Variants in NRXN3 observed in about 807,000 individuals in gnomAD.
NRXN3 encodes neurexin III.
A neutral mutation model predicts 137.6 loss-of-function variants in NRXN3; 32 were observed. The observed-to-expected ratio is 0.23, with a 90% CI of 0.18 to 0.31. NRXN3 has a LOEUF of 0.31. Ranked by LOEUF, NRXN3 falls within the 10% of genes least tolerant of loss-of-function variation. The pLI is 1.00. For missense variants in NRXN3, 1,574 were observed against 2,062.5 expected (o/e 0.76, Z 4.59); for synonymous variants, 798 against 784.5 (o/e 1.02, Z -0.29).
chr14:79,164,086 C>G (rs1053219645), intron 15 of NRXN3, among the ~76,000 whole-genome samples: 2 of 151,912 alleles, frequency 1.3e-5, no homozygotes, highest in African/African-American at 4.8e-5. Flanking sequence ...TTCTCATCTT[C>G]TCCTTAATAA....
intron 4 of NRXN3, among the ~76,000 whole-genome samples, chr14:78,609,794 G>A (rs2097284301): frequency 6.6e-6 from 1 of 152,144 alleles, no homozygotes; most frequent in Admixed American, 6.5e-5. Context: ...GCTTGTAGTG[G>A]AAAAGGCACT....
chr14:79,543,872 A>G (rs77081979), intron 16 of NRXN3, among the ~76,000 whole-genome samples: 7,637 of 152,240 alleles, frequency 0.05, 193 homozygotes, highest in Middle Eastern at 0.11. Flanking sequence ...TCTGGTGTGT[A>G]TGTTAAATCC....
chr14:79,527,369 A>G (rs968242088), intron 16 of NRXN3, among the ~76,000 whole-genome samples: 2 of 150,326 alleles, frequency 1.3e-5, no homozygotes, highest in African/African-American at 2.4e-5. Flanking sequence ...GATGGTGGTT[A>G]GAAGAGGCTT....
chr14:78,276,061 TC>T (rs1294576080), intron 2 of NRXN3, among the ~76,000 whole-genome samples: 1 of 152,180 alleles, frequency 6.6e-6, no homozygotes, highest in African/African-American at 2.4e-5. Flanking sequence ...CAGACCTGCC[TC>T]CAGGTCAGTG....
chr14:78,568,290 C>G (rs1002331522), intron 4 of NRXN3, among the ~76,000 whole-genome samples: 2 of 152,152 alleles, frequency 1.3e-5, no homozygotes, highest in African/African-American at 4.8e-5. Context: ...CCCAAGGGAG[C>G]TTGTTCACCC....
intron 4 of NRXN3, among the ~76,000 whole-genome samples, chr14:78,582,608 T>C (rs79756713): frequency 0.078 from 11,867 of 152,226 alleles, 847 homozygotes; most frequent in African/African-American, 0.18. Flanking sequence ...AGTCTCACCC[T>C]CACTTGCCCT....
intron 15 of NRXN3, among the ~76,000 whole-genome samples, chr14:79,026,400 TA>T (rs914361285): frequency 3.6e-4 from 55 of 152,126 alleles, no homozygotes; most frequent in African/African-American, 1.2e-3. Context: ...CTGTGATGAT[TA>T]AAAGAGGCGA....
intron 15 of NRXN3, among the ~76,000 whole-genome samples, chr14:79,066,165 A>G (rs2099680493): frequency 6.6e-6 from 1 of 152,140 alleles, no homozygotes; most frequent in African/African-American, 2.4e-5. Context: ...TAATTTTTGT[A>G]TGTGGTGTAA....
chr14:79,110,798 T>TCTA (rs1555758165), intron 15 of NRXN3, among the ~76,000 whole-genome samples: 1 of 135,646 alleles, frequency 7.4e-6, no homozygotes, highest in Admixed American at 7.4e-5. Context: ...TTATTTATTT[T>TCTA]TTTATTTTTT....
At chr14:79,574,163 A>C (rs1273399234) in intron 16 of NRXN3, among the ~76,000 whole-genome samples, 1 of 152,018 alleles carries the variant, frequency 6.6e-6, no homozygotes, top group African/African-American at 2.4e-5. Flanking sequence ...TTCTATCAAC[A>C]ATGTTATATT....
intron 15 of NRXN3, among the ~76,000 whole-genome samples, chr14:79,106,906 A>T (rs1336701217): frequency 6.6e-6 from 1 of 152,180 alleles, no homozygotes; most frequent in East Asian, 1.9e-4. Context: ...CCAAATAAAA[A>T]CAAGCCTTGG....
chr14:79,028,177 G>A (rs1425142771), intron 15 of NRXN3, among the ~76,000 whole-genome samples: 1 of 152,076 alleles, frequency 6.6e-6, no homozygotes, highest in African/African-American at 2.4e-5. Flanking sequence ...CCAGAACATT[G>A]ATACCCAACT....
chr14:78,326,334 G>A (rs1228389415), intron 4 of NRXN3, among the ~76,000 whole-genome samples: 1 of 152,204 alleles, frequency 6.6e-6, no homozygotes, highest in Non-Finnish European at 1.5e-5. Context: ...GTGCTGAGAG[G>A]AGAGTCATGA....
At chr14:79,538,040 C>T (rs902183655) in intron 16 of NRXN3, among the ~76,000 whole-genome samples, 8 of 152,214 alleles carry the variant, frequency 5.3e-5, no homozygotes, top group African/African-American at 7.2e-5. Context: ...CTCTGATGGC[C>T]GGTGATGATG....
intron 4 of NRXN3, among the ~76,000 whole-genome samples, chr14:78,440,861 C>T (rs973389068): frequency 3.3e-5 from 5 of 152,158 alleles, no homozygotes; most frequent in Admixed American, 6.5e-5. Context: ...TGCATGCTGT[C>T]AGCATCCTCC....
intron 15 of NRXN3, among the ~76,000 whole-genome samples, chr14:79,028,702 G>A (rs777269482): frequency 1.3e-5 from 2 of 152,118 alleles, no homozygotes; most frequent in Non-Finnish European, 2.9e-5. Flanking sequence ...GGAGAGTCAT[G>A]GTTGGTTAGG....
At chr14:78,585,492 T>G (rs1259654499) in intron 4 of NRXN3, among the ~76,000 whole-genome samples, 1 of 151,714 alleles carries the variant, frequency 6.6e-6, no homozygotes, top group Non-Finnish European at 1.5e-5. Flanking sequence ...TCCTGCGGAG[T>G]GTGGATAGAA....
intron 15 of NRXN3, among the ~76,000 whole-genome samples, chr14:79,173,040 G>T (rs1276161444): frequency 3.3e-5 from 5 of 152,074 alleles, no homozygotes; most frequent in Non-Finnish European, 7.4e-5. Flanking sequence ...AAATAATGTT[G>T]GTGCCTATCT....
intron 15 of NRXN3, among the ~76,000 whole-genome samples, chr14:79,383,577 C>T (rs2094528145): frequency 6.6e-6 from 1 of 152,098 alleles, no homozygotes; most frequent in Admixed American, 6.6e-5. Flanking sequence ...GCATATTGTT[C>T]AGCATTGCGA....
Sources: gnomAD v4.1 joint callset for allele counts (sites outside exome capture counted in the v4.1 genomes callset) on GRCh38, gnomAD v4.1.1 for gene constraint, MANE v1.5 for transcripts, NCBI Gene and HGNC (gene_info 2026-07-23, HGNC 2026-07-21) for gene names.